Variants in DDX27 observed in about 807,000 individuals in gnomAD.
DDX27 encodes probable ATP-dependent RNA helicase DDX27.
Under a neutral mutation model 99.3 loss-of-function variants are expected in DDX27, and 42 were observed. The ratio of observed to expected loss-of-function variants is 0.42; its 90% CI spans 0.33 to 0.55. The LOEUF is 0.55. Among genes scored for constraint, DDX27 ranks in the 20% least tolerant of loss-of-function variants. The pLI, the probability that DDX27 is intolerant of heterozygous loss-of-function variation, is 0.07. For missense variants in DDX27, 798 were observed against 976.8 expected (o/e 0.82, Z 2.44); for synonymous variants, 329 against 353.8 (o/e 0.93, Z 0.79).
Position 49,221,466 on chromosome 20 carries a change from G to A in DDX27, c.108G>A (p.Leu36=), listed in dbSNP as rs1396174296. ...GDEEEEGPIV[L]GRRQKALGKN... is the part of the protein sequence containing the mutation. The stretch of plus-strand genomic sequence containing the variant: ...ACTCTTCCCAGGGGCCCATTGTGCT[G>A]GGCAGACGACAAAAAGCTTTGGGGA... The change falls in exon 2 of 21, where the codon CTG becomes CTA. Residue 36 remains leucine, a synonymous_variant. Coordinates refer to ENST00000618172, the MANE Select transcript of DDX27 (RefSeq NM_017895.8). 1 of 1,613,410 alleles carries A rather than the reference G, an allele frequency of 6.2e-7. No individual in the cohort carries two copies.
chr20:49,239,642 A>G (rs905294083), intron 16 of DDX27, among the ~76,000 whole-genome samples: 5 of 152,154 alleles, frequency 3.3e-5, no homozygotes, highest in South Asian at 4.1e-4. Context: ...TGGTTGCCCA[A>G]TGCTCACGTC....
intron 1 of DDX27, 93 bp downstream of exon 1, chr20:49,219,634 G>C (rs1412888793): frequency 2.3e-6 from 3 of 1,331,372 alleles, no homozygotes; most frequent in Non-Finnish European, 2.0e-6. Flanking sequence ...ATCATCCCCT[G>C]CCAGCCCCGG....
At chr20:49,228,355 C>T (rs1466026109) in intron 7 of DDX27, among the ~76,000 whole-genome samples, 1 of 151,486 alleles carries the variant, frequency 6.6e-6, no homozygotes, top group Non-Finnish European at 1.5e-5. Flanking sequence ...AGGCTGGTCT[C>T]GAACTCCTGA....
Position 49,228,704 on chromosome 20 carries a change from C to A in DDX27, c.707-11C>A. On this transcript the variant is annotated splice_polypyrimidine_tract_variant and intron_variant, in intron 7 of 20. Transcript: ENST00000618172. ...TTCTTCTCATTGCTTCCTTGCTGTC[C>A]CTCCCTCCAGGTAAAACTGCCGCCT... 6.3e-7 allele frequency: 1 copy of A among 1,583,648 alleles called. No homozygotes were observed. Among genetic ancestry groups the A allele is most frequent in the Non-Finnish European group, 8.6e-7 (1 of 1,159,080 alleles).
Position 49,243,839 on chromosome 20 carries a change from C to T in DDX27, c.*5C>T, listed in dbSNP as rs749469983. 31 of 1,613,934 alleles carry T rather than the reference C, an allele frequency of 1.9e-5. No homozygotes were observed. The highest frequency in any genetic ancestry group is 3.3e-4 in the Middle Eastern group (2 of 6,082). On this transcript the variant is annotated 3_prime_UTR_variant, in exon 21 of 21. Transcript: ENST00000618172. ...AGATACAAGAGGAGGAAGTAGCTGT[C>T]GTGGCCTGAAGAAATTCATGGGGGC...
intron 16 of DDX27, among the ~76,000 whole-genome samples, chr20:49,240,583 G>A (rs978734697): frequency 6.6e-5 from 10 of 152,152 alleles, no homozygotes; most frequent in South Asian, 2.1e-4. Flanking sequence ...GCCTGCCACC[G>A]CACCTGGGTA....
chr20:49,241,424 T>G (rs559479502), intron 16 of DDX27, among the ~76,000 whole-genome samples: 8 of 152,192 alleles, frequency 5.3e-5, no homozygotes, highest in African/African-American at 1.9e-4. Flanking sequence ...AAAAAGCATG[T>G]TATTTAGTGA....
At chr20:49,234,817 G>A in intron 11 of DDX27, 118 bp from the exon 12 acceptor site, 1 of 1,240,954 alleles carries the variant, frequency 8.1e-7, no homozygotes, top group South Asian at 1.7e-5. Context: ...CACAGGACAG[G>A]GACAGTGCCT....
Position 49,243,701 on chromosome 20 carries a change from C to T in DDX27, c.2277C>T (p.Ser759=). 1 of 1,614,134 alleles carries T rather than the reference C, an allele frequency of 6.2e-7. No individual in the cohort carries two copies. The highest frequency in any genetic ancestry group is 8.5e-7 in the Non-Finnish European group (1 of 1,180,000). ...GAGGAGGAAACTTTAAATCTAAATC[C>T]AGGTGATACTGGCTGTTTTGGAGGG... ...QRRGGNFKSK[S]RYKRRK Residue 759 remains serine, a splice_region_variant and synonymous_variant, in exon 20 of 21, where the codon TCC becomes TCT. Transcript: ENST00000618172.
intron 12 of DDX27, 180 bp from the exon 13 acceptor site, chr20:49,235,970 C>T (rs960506042): frequency 8.7e-6 from 4 of 457,334 alleles, no homozygotes; most frequent in Admixed American, 4.0e-5. Context: ...GTCTCGATCT[C>T]CTGACCTCGT....
At chr20:49,239,941 C>A (rs1226035952) in intron 16 of DDX27, among the ~76,000 whole-genome samples, 1 of 152,082 alleles carries the variant, frequency 6.6e-6, no homozygotes, top group African/African-American at 2.4e-5. Flanking sequence ...AAATCTTAAG[C>A]TGAATGAAAT....
intron 1 of DDX27, 54 bp from the exon 2 acceptor site, chr20:49,221,398 T>G: frequency 6.2e-7 from 1 of 1,607,008 alleles, no homozygotes; most frequent in South Asian, 1.1e-5. Context: ...CCTTCTTGCT[T>G]TCTATCATTC....
At chr20:49,233,769 A>G in intron 11 of DDX27, 60 bp downstream of exon 11, 1 of 1,583,034 alleles carries the variant, frequency 6.3e-7, no homozygotes. Context: ...AGCTCGTAGT[A>G]TCCATGCTGA....
chr20:49,231,508 T>C (rs948086786), intron 9 of DDX27, among the ~76,000 whole-genome samples: 1 of 152,090 alleles, frequency 6.6e-6, no homozygotes, highest in Non-Finnish European at 1.5e-5. Flanking sequence ...GCGGAGGAAG[T>C]ATTTGAGATT....
intron 8 of DDX27, 142 bp downstream of exon 8, chr20:49,229,030 C>CTTTT (rs11477123): frequency 1.0e-5 from 3 of 287,498 alleles, no homozygotes; most frequent in Non-Finnish European, 1.7e-5. Context: ...AACTGGAAGA[C>CTTTT]TTTTTTTTTT....
chr20:49,226,620 C>G, intron 7 of DDX27, 85 bp downstream of exon 7: 1 of 844,206 alleles, frequency 1.2e-6, no homozygotes, highest in Non-Finnish European at 1.8e-6. Flanking sequence ...GGCTGGTTTG[C>G]TAAATAAATA....
chr20:49,240,408 A>G (rs909234545), intron 16 of DDX27, among the ~76,000 whole-genome samples: 7 of 152,152 alleles, frequency 4.6e-5, no homozygotes, highest in Non-Finnish European at 7.4e-5. Context: ...TATGTTTTAT[A>G]TAGGCCCACA....
intron 9 of DDX27, among the ~76,000 whole-genome samples, chr20:49,231,924 C>T (rs1290785379): frequency 6.6e-6 from 1 of 151,050 alleles, no homozygotes. Context: ...TGCTTTGTCA[C>T]CCAGGCTGGA....
At chr20:49,239,418 C>G in intron 16 of DDX27, 80 bp downstream of exon 16, 1 of 1,069,034 alleles carries the variant, frequency 9.4e-7, no homozygotes, top group East Asian at 2.5e-5. Flanking sequence ...TAGTTCTATA[C>G]TGTAAAGCAG....
Sources: allele counts gnomAD v4.1 joint callset (sites outside exome capture counted in the v4.1 genomes callset), GRCh38; gene constraint gnomAD v4.1.1; transcripts MANE v1.5; gene names NCBI Gene and HGNC (gene_info 2026-07-23, HGNC 2026-07-21).